EVPL: variants seen among roughly 807,000 people sequenced by gnomAD.
EVPL encodes envoplakin.
In EVPL, 94 loss-of-function variants were observed where a neutral mutation model predicts 129.7. The ratio of observed to expected loss-of-function variants is 0.72; its 90% CI spans 0.61 to 0.86. The LOEUF is 0.86. Among genes scored for constraint, EVPL ranks in the 40% least tolerant of loss-of-function variants. The pLI is 0.00. For synonymous variants in EVPL, 1,172 were observed against 1,191.1 expected (o/e 0.98, Z 0.33); for missense variants, 2,625 against 2,721.1 (o/e 0.96, Z 0.79).
In EVPL at chr17:76,015,363, G is replaced by T; in HGVS notation, c.1892C>A (p.Ala631Asp). 6.2e-7 allele frequency: 1 copy of T among 1,604,146 alleles called. No homozygotes were observed. ...QVLCSLYGEK[A>D]KAALDLERQI... ...CCGCTCCAGATCCAGGGCAGCCTTG[G>T]CTCTGCCGCAGAGGAGGCAAGGCTC... Residue 631 changes from alanine to aspartate, a missense_variant and splice_region_variant, in exon 16 of 22, where the codon GCC (alanine) becomes GAC (aspartate). Transcript: ENST00000301607.
rs764238350 is a variant in EVPL, at chr17:76,017,893, A to G, written c.1556T>C (p.Leu519Pro). Reference protein sequence around the residue: ...PSQQAPSGSDLANPQAQKLLT... With the variant: ...PSQQAPSGSDPANPQAQKLLT... ...GAGCTTCTGGGCCTGTGGGTTGGCC[A>G]GGTCTGAGCCAGATGGAGCTGGGGG... The change falls in exon 14 of 22, where the codon CTG (leucine) becomes CCG (proline). Residue 519 changes from leucine to proline, a missense_variant. Around this residue, in one of 4 missense-constraint regions of EVPL, gnomAD observed 1,024 missense variants for 997.5 expected, o/e 1.03. Coordinates refer to ENST00000301607, the MANE Select transcript of EVPL (RefSeq NM_001988.4). 8 of 1,613,978 alleles carry G rather than the reference A, an allele frequency of 5.0e-6. No individual in the cohort carries two copies. The highest frequency in any genetic ancestry group is 6.8e-6 in the Non-Finnish European group (8 of 1,180,038).
At position 76,022,591 on chromosome 17, in the gene EVPL, G is replaced by A; in HGVS notation, c.481-53C>T. 1 of 1,547,722 alleles carries A rather than the reference G, an allele frequency of 6.5e-7. No individual in the cohort carries two copies. The highest frequency in any genetic ancestry group is 8.7e-7 in the Non-Finnish European group (1 of 1,147,104). On this transcript the variant is annotated intron_variant, in intron 4 of 21. Coordinates refer to ENST00000301607, the MANE Select transcript of EVPL (RefSeq NM_001988.4). This position sits in a 1 kb window ranked among gnomAD's most constrained non-coding sequence, Gnocchi z 5.6. ...CAAAGGACCGCGGTGGGGAGCCAGA[G>A]AACCCCACACGCCTCCCACCCGGAG...
At position 76,007,253 on chromosome 17, in the gene EVPL, G is replaced by T; in HGVS notation, c.5952C>A (p.Asp1984Glu). The T allele has an allele frequency of 6.4e-7, 1 of 1,570,596 alleles. No homozygotes were observed. The highest frequency in any genetic ancestry group is 8.6e-7 in the Non-Finnish European group (1 of 1,156,456). ...DESSYEKDLT[D>E]PISKERLSYK... ...AGCTCAGCCGTTCCTTGGAGATGGG[G>T]TCTGTCAAATCCTTCTCGTAGCTGG... Residue 1984 changes from aspartate to glutamate, a missense_variant, in exon 22 of 22, where the codon GAC becomes GAA. This residue lies in a region of EVPL where 1,453 missense variants were observed against 1,511.8 expected (regional missense o/e 0.96). Coordinates refer to ENST00000301607, the MANE Select transcript of EVPL (RefSeq NM_001988.4). The surrounding 1 kb of genome is among the most constrained non-coding windows in gnomAD (Gnocchi z 8.8).
In EVPL at chr17:76,009,254, C is replaced by T; in HGVS notation, c.3951G>A (p.Val1317=). The change falls in exon 22 of 22, where the codon GTG becomes GTA. Residue 1317 remains valine (V), a synonymous_variant. Coordinates refer to ENST00000301607, the MANE Select transcript of EVPL (RefSeq NM_001988.4). The surrounding 1 kb of genome is among the most constrained non-coding windows in gnomAD (Gnocchi z 5.9). ...KVETKTVSKE[V]VRHEKDPVLE... is the part of the protein sequence containing the mutation. ...GCACCGGGTCCTTCTCGTGGCGCAC[C>T]ACCTCCTTGCTCACCGTCTTGGTCT... The T allele has an allele frequency of 6.2e-7, 1 of 1,607,718 alleles. No individual in the cohort carries two copies. Among genetic ancestry groups the T allele is most frequent in the South Asian group, 1.1e-5 (1 of 91,084 alleles).
At position 76,018,018 on chromosome 17, in the gene EVPL, A is replaced by T. The variant is rs1419718818; in HGVS notation, c.1538-107T>A. On this transcript the variant is annotated intron_variant, in intron 13 of 21. Transcript: ENST00000301607. ...GTCCTGTCGGGGTAGGGTGGAGGGG[A>T]TGGGCAGGGCCACCCCAGAGATGAA... 12 of 1,549,354 alleles carry T rather than the reference A, an allele frequency of 7.7e-6. No homozygotes were observed. In the Admixed American group the frequency reaches 2.3e-4, roughly 30 times the overall value.
Position 76,018,496 on chromosome 17 carries a change from G to T in EVPL, c.1389C>A (p.Ala463=). 1 of 1,612,616 alleles carries T rather than the reference G, an allele frequency of 6.2e-7. No homozygotes were observed. Residue 463 remains alanine, a synonymous_variant, in exon 12 of 22, where the codon GCC becomes GCA. Coordinates refer to ENST00000301607, the MANE Select transcript of EVPL (RefSeq NM_001988.4). ...PGGETKRAPA[A]CFCIPAPDPD... is the part of the protein sequence containing the mutation. ...GGTCTGGTGCTGGGATGCAGAAGCA[G>T]GCGGCGGGAGCACGCTTGGTCTCCC...
chr17:76,010,053 G>T lies in EVPL; in HGVS notation c.3152C>A (p.Ala1051Asp). 1 of 1,613,008 alleles carries T rather than the reference G, an allele frequency of 6.2e-7. No homozygotes were observed. The change falls in exon 22 of 22, where the codon GCC (alanine) becomes GAC (aspartate). Residue 1051 changes from alanine (A) to aspartate (D), a missense_variant. This residue lies in a region of EVPL where 1,453 missense variants were observed against 1,511.8 expected (regional missense o/e 0.96). Coordinates refer to ENST00000301607, the MANE Select transcript of EVPL (RefSeq NM_001988.4). ...CTCCTTCTTCAGCCCTTCCAGCCGG[G>T]CCGAGATGACGGCATCCTCCCCGCG... ...QLRGEDAVIS[A>D]RLEGLKKELL... is the part of the protein sequence containing the mutation.
rs1408188607 is a variant in EVPL, at chr17:76,021,091, T to C, written c.1011+377A>G. On this transcript the variant is annotated intron_variant, in intron 9 of 21. Coordinates refer to ENST00000301607, the MANE Select transcript of EVPL (RefSeq NM_001988.4). Reference sequence around the variant, plus strand: ...TTATTTTTGAGGTGGAGTCTCTCTCTGTCACCCAGGCTGGAGTGCAGTGGA... The same window carrying C: ...TTATTTTTGAGGTGGAGTCTCTCTCCGTCACCCAGGCTGGAGTGCAGTGGA... Among the ~76,000 whole-genome samples, 5 of 152,192 alleles carry C rather than the reference T, an allele frequency of 3.3e-5. No individual in the cohort carries two copies. In the East Asian group the frequency reaches 9.6e-4, roughly 29 times the overall value.
rs777849195 is a variant in EVPL at position 76,021,658 on chromosome 17, C to T, written c.915+16G>A. 5 of 1,587,974 alleles carry T rather than the reference C, an allele frequency of 3.1e-6. No individual in the cohort carries two copies. The highest frequency in any genetic ancestry group is 1.1e-5 in the South Asian group (1 of 88,742). On this transcript the variant is annotated intron_variant, in intron 8 of 21. Coordinates refer to ENST00000301607, the MANE Select transcript of EVPL (RefSeq NM_001988.4). ...CCCACCACGTCCCTTCTCACTCTCG[C>T]CCTGCCCCAGCGCACCTGGATGGGC...
intron 14 of EVPL, among the ~76,000 whole-genome samples, chr17:76,017,135 C>T (rs1469364640): frequency 1.3e-5 from 2 of 150,168 alleles, no homozygotes; most frequent in East Asian, 3.9e-4. Context: ...ATTGCTTGAA[C>T]CTGGGAGGCA....
At chr17:76,019,461 GC>G (rs2066441980) in intron 10 of EVPL, 66 bp downstream of exon 10, 10 of 1,493,522 alleles carry the variant, frequency 6.7e-6, no homozygotes, top group Non-Finnish European at 8.9e-6. Context: ...AAGGGGTGAG[GC>G]CCAGAAAAAT....
In EVPL at chr17:76,022,931, C is replaced by T. The variant is rs576464491; in HGVS notation, c.480+361G>A. Among the ~76,000 whole-genome samples the T allele has an allele frequency of 5.3e-5, 8 of 152,268 alleles. No individual in the cohort carries two copies. The South Asian group carries it at 1.7e-3, about 32-fold the overall frequency. On this transcript the variant is annotated intron_variant, in intron 4 of 21. Coordinates refer to ENST00000301607, the MANE Select transcript of EVPL (RefSeq NM_001988.4). The surrounding 1 kb of genome is among the most constrained non-coding windows in gnomAD (Gnocchi z 5.6). ...TTCTGTGTGGCATCAAAGCACAACT[C>T]CTCAACCAGGGATCAGAATGTCCCA... is the stretch of plus-strand genomic sequence containing the variant.
Position 76,008,981 on chromosome 17 carries a change from C to T in EVPL, c.4224G>A (p.Glu1408=). 2 of 1,611,854 alleles carry T rather than the reference C, an allele frequency of 1.2e-6. No individual in the cohort carries two copies. The highest frequency in any genetic ancestry group is 1.7e-6 in the Non-Finnish European group (2 of 1,179,944). The change falls in exon 22 of 22, where the codon GAG becomes GAA. Residue 1408 remains glutamate (E), a synonymous_variant. Coordinates refer to ENST00000301607, the MANE Select transcript of EVPL (RefSeq NM_001988.4). This position sits in a 1 kb window ranked among gnomAD's most constrained non-coding sequence, Gnocchi z 7.4. ...EVGRRRQLEL[E]VQQLRAGVEE... ...CCACGCCGGCCCGCAGCTGCTGCAC[C>T]TCAAGCTCTAGCTGGCGCCGCCGGC...
At chr17:76,025,961 A>G in intron 1 of EVPL, among the ~76,000 whole-genome samples, 1 of 152,264 alleles carries the variant, frequency 6.6e-6, no homozygotes, top group Non-Finnish European at 1.5e-5. Flanking sequence ...TTGTTTTAAC[A>G]GACAGGGTCT....
chr17:76,007,684 T>C lies in EVPL; in HGVS notation c.5521A>G (p.Ile1841Val), dbSNP rs1284846037. The C allele has an allele frequency of 6.2e-7, 1 of 1,613,846 alleles. No individual in the cohort carries two copies. Among genetic ancestry groups the C allele is most frequent in the Non-Finnish European group, 8.5e-7 (1 of 1,179,928 alleles). The stretch of plus-strand genomic sequence containing the variant: ...ATGTTCTTGGCCACGGCCGTCTTGA[T>C]GCTGCACTTGTTGTCTGTGGTTGTG... ...YDTTTDNKCSIKTAVAKNMLD... is the reference protein window; with the variant it reads ...YDTTTDNKCSVKTAVAKNMLD... The change falls in exon 22 of 22, where the codon ATC (isoleucine) becomes GTC (valine). Residue 1841 changes from isoleucine to valine, a missense_variant. This residue lies in a region of EVPL where 1,453 missense variants were observed against 1,511.8 expected (regional missense o/e 0.96). Coordinates refer to ENST00000301607, the MANE Select transcript of EVPL (RefSeq NM_001988.4). The surrounding 1 kb of genome is among the most constrained non-coding windows in gnomAD (Gnocchi z 8.8).
rs565517294 is a variant in EVPL at position 76,009,433 on chromosome 17, C to T, written c.3772G>A (p.Val1258Met). 1.2e-6 allele frequency: 2 copies of T among 1,614,148 alleles called. No homozygotes were observed. The highest frequency in any genetic ancestry group is 1.3e-5 in the African/African-American group (1 of 75,056). The change falls in exon 22 of 22, where the codon GTG (valine) becomes ATG (methionine). Residue 1258 changes from valine (V) to methionine (M), a missense_variant. Around this residue, in one of 4 missense-constraint regions of EVPL, gnomAD observed 1,453 missense variants for 1,511.8 expected, o/e 0.96. Coordinates refer to ENST00000301607, the MANE Select transcript of EVPL (RefSeq NM_001988.4). The surrounding 1 kb of genome is among the most constrained non-coding windows in gnomAD (Gnocchi z 5.9). ...ACCTCGGGGCTCCTCTCATGCCTCACCACCTCCTGGGTCACCTCCTTGTAC... is the reference window on the plus strand; with the variant it reads ...ACCTCGGGGCTCCTCTCATGCCTCATCACCTCCTGGGTCACCTCCTTGTAC... ...VEYKEVTQEV[V>M]RHERSPEVLR...
At position 76,026,717 on chromosome 17, in the gene EVPL, AGG is replaced by A. The variant is rs2066500464; in HGVS notation, c.98+382_98+383del. 4.6e-5 allele frequency among the ~76,000 whole-genome samples: 6 copies of A among 130,162 alleles called. No individual in the cohort carries two copies. The South Asian group carries it at 1.4e-3, about 31-fold the overall frequency. 85.4% of individuals were successfully genotyped at this position (130,162 alleles called of 152,430 possible). A position where few individuals can be genotyped will look rare whatever the true frequency, so the allele number is the denominator to read the frequency against. Reference sequence around the variant, plus strand: ...GGGGCAGAGCTGCAGTCAGGCAGCCAGGCTCTCCTGTCTCCCAGGCTCTCCTG... The same window carrying A: ...GGGGCAGAGCTGCAGTCAGGCAGCCACTCTCCTGTCTCCCAGGCTCTCCTG... On this transcript the variant is annotated intron_variant, in intron 1 of 21. Coordinates refer to ENST00000301607, the MANE Select transcript of EVPL (RefSeq NM_001988.4).
At position 76,008,671 on chromosome 17, in the gene EVPL, C is replaced by T. The variant is rs200073444; in HGVS notation, c.4534G>A (p.Ala1512Thr). 271 of 1,612,880 alleles carry T rather than the reference C, an allele frequency of 1.7e-4. No homozygotes were observed. Among genetic ancestry groups the T allele is most frequent in the Middle Eastern group, 1.2e-3 (7 of 6,062 alleles). ...TAGATGGTCTTCTCCTGCGATTTGG[C>T]TTTCTGGAGGACGTCAATCTGGACC... ...LQVQIDVLQK[A>T]KSQEKTIYKE... Residue 1512 changes from alanine to threonine, a missense_variant, in exon 22 of 22, where the codon GCC (alanine) becomes ACC (threonine). Coordinates refer to ENST00000301607, the MANE Select transcript of EVPL (RefSeq NM_001988.4). This position sits in a 1 kb window ranked among gnomAD's most constrained non-coding sequence, Gnocchi z 7.4.
At position 76,015,065 on chromosome 17, in the gene EVPL, C is replaced by T. The variant is rs780934286; in HGVS notation, c.2073G>A (p.Arg691=). 15 of 1,583,760 alleles carry T rather than the reference C, an allele frequency of 9.5e-6. No individual in the cohort carries two copies. In the South Asian group the frequency reaches 1.2e-4, roughly 13 times the overall value. The stretch of plus-strand genomic sequence containing the variant: ...CCGAGGCCTTCAGCGCGCGGTGTAG[C>T]CGCAGCACGCAGGTCTGCTGTTCCA... ...ELLEQQTCVL[R]LHRALKASEH... The change falls in exon 17 of 22, where the codon CGG becomes CGA. Residue 691 remains arginine, a synonymous_variant. Coordinates refer to ENST00000301607, the MANE Select transcript of EVPL (RefSeq NM_001988.4).
Sources: gnomAD v4.1 joint callset for allele counts (sites outside exome capture counted in the v4.1 genomes callset) on GRCh38, gnomAD v4.1.1 for gene constraint, gnomAD v4.1.1 regional missense constraint, Gnocchi (gnomAD v3.1) non-coding constraint, MANE v1.5 for transcripts, NCBI Gene and HGNC (gene_info 2026-07-23, HGNC 2026-07-21) for gene names.